CSMD3: variants seen among roughly 807,000 people sequenced by gnomAD.
CSMD3 encodes CUB and Sushi multiple domains 3, also known as CUB and sushi domain-containing protein 3.
CSMD3 carries 177 observed loss-of-function variants against 435.2 expected under a neutral mutation model. The observed-to-expected ratio is 0.41, with a 90% CI of 0.36 to 0.46. CSMD3 has a LOEUF of 0.46. CSMD3 is among the 20% of genes least tolerant of loss of function. The pLI is 0.34. For synonymous variants in CSMD3, 1,656 were observed against 1,520.5 expected, an observed-to-expected ratio of 1.09 and a Z score of -2.07; for missense variants, 4,265 against 4,504.6, an observed-to-expected ratio of 0.95 and a Z score of 1.52.
At chr8:112,607,315 T>TTATTAATAAATAAATAATAATAATAAATA (rs1832876309) in intron 22 of CSMD3, among the ~76,000 whole-genome samples, 4 of 151,988 alleles carry the variant, frequency 2.6e-5, no homozygotes, top group African/African-American at 9.7e-5. Context: ...AGATTAATAA[T>TTATTAATAAATAAATAATAATAATAAATA]GAGTGAGAAG....
intron 1 of CSMD3, among the ~76,000 whole-genome samples, chr8:113,374,207 AAC>A (rs2094364306): frequency 6.6e-6 from 1 of 152,100 alleles, no homozygotes; most frequent in African/African-American, 2.4e-5. Context: ...TAGACACAGA[AAC>A]ACATGTATTT....
At chr8:112,647,387 C>T (rs554915957) in intron 19 of CSMD3, among the ~76,000 whole-genome samples, 127 of 151,764 alleles carry the variant, frequency 8.4e-4, no homozygotes, top group African/African-American at 3.0e-3. Context: ...CTGAAAGCTC[C>T]GCCCCCCGGG....
At chr8:112,544,503 CTAAA>C (rs1826976273) in intron 27 of CSMD3, among the ~76,000 whole-genome samples, 1 of 152,110 alleles carries the variant, frequency 6.6e-6, no homozygotes, top group East Asian at 1.9e-4. Context: ...GTTCACACAG[CTAAA>C]TAAATGATCA....
At chr8:112,384,004 A>G (rs1357365197) in intron 36 of CSMD3, among the ~76,000 whole-genome samples, 1 of 152,176 alleles carries the variant, frequency 6.6e-6, no homozygotes. Flanking sequence ...ACAATCGGTG[A>G]ATTTTTATGT....
At chr8:112,636,759 T>C (rs1000883865) in intron 22 of CSMD3, 58 bp downstream of exon 22, 6 of 1,350,002 alleles carry the variant, frequency 4.4e-6, no homozygotes, top group East Asian at 2.3e-5. Context: ...GGTGTAACCA[T>C]GCAACTCCAT....
At chr8:112,349,640 G>C (rs1367964400) in intron 40 of CSMD3, among the ~76,000 whole-genome samples, 1 of 151,970 alleles carries the variant, frequency 6.6e-6, no homozygotes, top group East Asian at 1.9e-4. Context: ...ACATATGTAA[G>C]TGTTCAGAAT....
intron 2 of CSMD3, among the ~76,000 whole-genome samples, chr8:113,291,642 G>A (rs2093687163): frequency 6.6e-6 from 1 of 151,748 alleles, no homozygotes; most frequent in South Asian, 2.1e-4. Context: ...CCATTGTCCT[G>A]GAAACCCAAG....
chr8:112,555,390 T>C (rs1828027853), intron 25 of CSMD3, among the ~76,000 whole-genome samples: 1 of 152,008 alleles, frequency 6.6e-6, no homozygotes, highest in Non-Finnish European at 1.5e-5. Context: ...TATGGTATTG[T>C]GCTATTAAAC....
intron 3 of CSMD3, among the ~76,000 whole-genome samples, chr8:113,243,133 T>C (rs2093237991): frequency 1.3e-5 from 2 of 151,890 alleles, no homozygotes; most frequent in South Asian, 2.1e-4. Context: ...ATACAAGAAA[T>C]AATATTTATG....
chr8:113,229,582 A>G (rs1409671997), intron 3 of CSMD3, among the ~76,000 whole-genome samples: 1 of 151,630 alleles, frequency 6.6e-6, no homozygotes, highest in Non-Finnish European at 1.5e-5. Flanking sequence ...AGTAAGGCAG[A>G]TGTAACCTGA....
intron 52 of CSMD3, 25 bp from the exon 53 acceptor site, chr8:112,301,991 A>C: frequency 6.7e-7 from 1 of 1,498,568 alleles, no homozygotes; most frequent in Non-Finnish European, 9.3e-7. Flanking sequence ...ATAAATAAAA[A>C]TCCTTAAAGA....
intron 3 of CSMD3, among the ~76,000 whole-genome samples, chr8:113,227,656 G>C (rs2093042566): frequency 6.6e-6 from 1 of 151,560 alleles, no homozygotes; most frequent in Admixed American, 6.6e-5. Context: ...GTGTTTGGCA[G>C]TTCCTGCCTC....
At position 112,233,078 on chromosome 8, in the gene CSMD3, TA is replaced by T. The variant is rs200369862; in HGVS notation, c.10740+1286del. ...TTACATTTGTATACAATATTATATT[TA>T]AAAAATACTTTATATGCATAATGTA... On this transcript the variant is annotated intron_variant, in intron 68 of 70. Transcript: ENST00000297405. Among the ~76,000 whole-genome samples, 1,228 of 152,284 alleles carry T rather than the reference TA, an allele frequency of 8.1e-3. 11 individuals carry two copies. Among genetic ancestry groups the T allele is most frequent in the Non-Finnish European group, 0.012 (829 of 68,002 alleles).
intron 22 of CSMD3, among the ~76,000 whole-genome samples, chr8:112,612,550 G>A (rs913997250): frequency 6.6e-6 from 1 of 151,948 alleles, no homozygotes; most frequent in Non-Finnish European, 1.5e-5. Context: ...ATTCTTCATA[G>A]CAACACTAAT....
Position 112,346,136 on chromosome 8 carries a change from A to C in CSMD3, c.6403T>G (p.Leu2135Val). Residue 2135 changes from leucine to valine, a missense_variant, in exon 41 of 71, where the codon TTA becomes GTA. Physicochemically the swap from Leu to Val is conservative, Grantham distance 32 (BLOSUM62 1). Around this residue, in one of 3 missense-constraint regions of CSMD3, gnomAD observed 3,255 missense variants for 3,380.2 expected, o/e 0.96. Coordinates refer to ENST00000297405, the MANE Select transcript of CSMD3 (RefSeq NM_198123.2). ...AGATTTATTGTCCATGTGCAATCTA[A>C]ACTGCTGGGATAGTTTCCAGGAAAC... ...PGFPGNYPSS[L>V]DCTWTINLPI... The C allele has an allele frequency of 1.9e-6, 3 of 1,612,880 alleles. No individual in the cohort carries two copies. The highest frequency in any genetic ancestry group is 2.5e-6 in the Non-Finnish European group (3 of 1,178,908).
intron 1 of CSMD3, 63 bp downstream of exon 1, chr8:113,436,614 C>G (rs2130147720): frequency 6.9e-7 from 1 of 1,445,822 alleles, no homozygotes. Flanking sequence ...CTGCCAGCCT[C>G]TCTCCATCTA....
chr8:112,707,290 A>G (rs796128530), intron 13 of CSMD3, among the ~76,000 whole-genome samples: 5 of 152,224 alleles, frequency 3.3e-5, no homozygotes, highest in African/African-American at 9.6e-5. Context: ...ATGAAAGACT[A>G]CATTAAGAAA....
At chr8:113,253,876 T>A (rs1298102943) in intron 3 of CSMD3, among the ~76,000 whole-genome samples, 1 of 151,954 alleles carries the variant, frequency 6.6e-6, no homozygotes, top group African/African-American at 2.4e-5. Flanking sequence ...ATGAAACTTA[T>A]GTCCTCGCTG....
At chr8:113,222,182 A>C (rs1489043047) in intron 3 of CSMD3, among the ~76,000 whole-genome samples, 1 of 151,270 alleles carries the variant, frequency 6.6e-6, no homozygotes. Flanking sequence ...AATTCTAAAA[A>C]TTCTTATTTT....
Sources: gnomAD v4.1 joint callset for allele counts (sites outside exome capture counted in the v4.1 genomes callset) on GRCh38, gnomAD v4.1.1 for gene constraint, gnomAD v4.1.1 regional missense constraint, MANE v1.5 for transcripts, NCBI Gene and HGNC (gene_info 2026-07-23, HGNC 2026-07-21) for gene names.